CYFIP2: variants seen among roughly 807,000 people sequenced by gnomAD.
CYFIP2 encodes cytoplasmic FMR1-interacting protein 2.
A neutral mutation model predicts 158.7 loss-of-function variants in CYFIP2; 29 were observed. The ratio of observed to expected loss-of-function variants is 0.18; its 90% CI spans 0.14 to 0.25. CYFIP2 has a LOEUF of 0.25. Among genes scored for constraint, CYFIP2 ranks in the 10% least tolerant of loss-of-function variants. The pLI, the probability that CYFIP2 is intolerant of heterozygous loss-of-function variation, is 1.00. For synonymous variants in CYFIP2, 585 were observed against 617.6 expected, an observed-to-expected ratio of 0.95 and a Z score of 0.78; for missense variants, 852 against 1,639.5, an observed-to-expected ratio of 0.52 and a Z score of 8.29.
At chr5:157,316,067 G>A (rs1268374087) in intron 13 of CYFIP2, among the ~76,000 whole-genome samples, 5 of 151,762 alleles carry the variant, frequency 3.3e-5, no homozygotes, top group Admixed American at 6.6e-5. Flanking sequence ...TCCAGCCTGG[G>A]CGACAGAGTG....
At chr5:157,354,375 T>C (rs1336637019) in intron 23 of CYFIP2, among the ~76,000 whole-genome samples, 1 of 152,122 alleles carries the variant, frequency 6.6e-6, no homozygotes. Context: ...CAATGGCTCA[T>C]GTCATGTTGC....
intron 17 of CYFIP2, 88 bp downstream of exon 17, chr5:157,325,726 G>A (rs1185330452): frequency 8.7e-6 from 12 of 1,384,186 alleles, no homozygotes; most frequent in Non-Finnish European, 1.1e-5. Flanking sequence ...CCAGAAGGAA[G>A]CACTGAGTTG....
At chr5:157,371,488 A>T (rs1764992877) in intron 26 of CYFIP2, among the ~76,000 whole-genome samples, 1 of 152,210 alleles carries the variant, frequency 6.6e-6, no homozygotes, top group South Asian at 2.1e-4. Context: ...TGTGAACAGA[A>T]CCCTAAAGGT....
At chr5:157,390,368 C>T (rs7724666) in intron 29 of CYFIP2, among the ~76,000 whole-genome samples, 153 bp from the exon 30 acceptor site, 17,722 of 152,088 alleles carry the variant, frequency 0.12, 1,206 homozygotes, top group Middle Eastern at 0.17. Flanking sequence ...CCCACCCTCA[C>T]AGCTTCCTTT....
chr5:157,352,477 C>G (rs1170945737), intron 23 of CYFIP2, among the ~76,000 whole-genome samples: 1 of 152,192 alleles, frequency 6.6e-6, no homozygotes, highest in Non-Finnish European at 1.5e-5. Flanking sequence ...CTGCCACCAC[C>G]CCACCCTTCT....
intron 20 of CYFIP2, among the ~76,000 whole-genome samples, chr5:157,332,882 GC>G (rs1761580848): frequency 6.6e-6 from 1 of 152,182 alleles, no homozygotes; most frequent in Admixed American, 6.5e-5. Context: ...CTGGGTTCAA[GC>G]TATCCTCCTG....
intron 21 of CYFIP2, among the ~76,000 whole-genome samples, chr5:157,335,523 G>T (rs1281970311): frequency 6.6e-6 from 1 of 152,146 alleles, no homozygotes; most frequent in Non-Finnish European, 1.5e-5. Flanking sequence ...TGATCTGCCT[G>T]CCTTGGCCTC....
chr5:157,348,955 A>C (rs952306410), intron 23 of CYFIP2, among the ~76,000 whole-genome samples: 4 of 151,282 alleles, frequency 2.6e-5, no homozygotes, highest in African/African-American at 9.7e-5. Flanking sequence ...ATCTCAAAAA[A>C]AAAAAAAAAG....
At chr5:157,327,727 G>A (rs1170346351) in intron 18 of CYFIP2, among the ~76,000 whole-genome samples, 1 of 152,180 alleles carries the variant, frequency 6.6e-6, no homozygotes, top group East Asian at 1.9e-4. Flanking sequence ...CGAAACAGCT[G>A]AGGAGAGGGG....
At chr5:157,310,229 G>C (rs1016722813) in intron 10 of CYFIP2, among the ~76,000 whole-genome samples, 1 of 152,134 alleles carries the variant, frequency 6.6e-6, no homozygotes, top group Non-Finnish European at 1.5e-5. Flanking sequence ...TCGTGCAGTC[G>C]ACGTGAATTG....
Position 157,307,874 on chromosome 5 carries a change from C to T in CYFIP2, c.900+9C>T. On this transcript the variant is annotated intron_variant, in intron 9 of 30. Transcript: ENST00000620254. The stretch of plus-strand genomic sequence containing the variant: ...TTGATAAATTCTTTAAGGTCAGCAA[C>T]TGGGGCTGGGGCTGGGCAGAGGGCT... 1 of 1,478,354 alleles carries T rather than the reference C, an allele frequency of 6.8e-7. No individual in the cohort carries two copies. The highest frequency in any genetic ancestry group is 2.3e-5 in the East Asian group (1 of 43,172). 91.6% of individuals were successfully genotyped at this position (1,478,354 alleles called of 1,614,324 possible).
At chr5:157,369,459 A>T (rs1405556386) in intron 26 of CYFIP2, among the ~76,000 whole-genome samples, 2 of 152,224 alleles carry the variant, frequency 1.3e-5, no homozygotes, top group Non-Finnish European at 2.9e-5. Flanking sequence ...CACAAGGCTC[A>T]TTAACCATAA....
intron 24 of CYFIP2, among the ~76,000 whole-genome samples, chr5:157,359,996 G>A (rs1203608746): frequency 4.6e-5 from 7 of 152,182 alleles, no homozygotes; most frequent in African/African-American, 1.7e-4. Flanking sequence ...CAATTTCCTG[G>A]CTCCATTTCA....
At chr5:157,325,261 C>G (rs556864979) in intron 16 of CYFIP2, among the ~76,000 whole-genome samples, 6 of 152,018 alleles carry the variant, frequency 3.9e-5, no homozygotes, top group East Asian at 1.9e-4. Context: ...TCTTCTCCCC[C>G]ACCAGCCCAC....
At chr5:157,371,675 C>G (rs1765008208) in intron 26 of CYFIP2, among the ~76,000 whole-genome samples, 1 of 152,090 alleles carries the variant, frequency 6.6e-6, no homozygotes, top group South Asian at 2.1e-4. Context: ...GATGGAATCC[C>G]TCAGTTTTAA....
chr5:157,330,870 C>T lies in CYFIP2; in HGVS notation c.2265+20C>T. On this transcript the variant is annotated intron_variant, in intron 20 of 30. Coordinates refer to ENST00000620254, the MANE Select transcript of CYFIP2 (RefSeq NM_001037333.3). ...GTCCAGGTATGGGGAGCAGAAGCCA[C>T]CTTGGAGATGGAAGGGGCAGGAGAG... is the stretch of plus-strand genomic sequence containing the variant. 1 of 1,587,242 alleles carries T rather than the reference C, an allele frequency of 6.3e-7. No individual in the cohort carries two copies. Among genetic ancestry groups the T allele is most frequent in the Non-Finnish European group, 8.7e-7 (1 of 1,155,674 alleles).
chr5:157,333,285 G>A (rs962040483), intron 20 of CYFIP2, 42 bp from the exon 21 acceptor site: 1 of 1,612,534 alleles, frequency 6.2e-7, no homozygotes, highest in Non-Finnish European at 8.5e-7. Context: ...CACCTGGCCA[G>A]TGTGAATTTT....
intron 23 of CYFIP2, among the ~76,000 whole-genome samples, chr5:157,348,961 A>G (rs548555807): frequency 1.3e-5 from 2 of 151,492 alleles, no homozygotes; most frequent in Admixed American, 1.3e-4. Flanking sequence ...AAAAAAAAAA[A>G]AAAGCATCCT....
In CYFIP2 at chr5:157,294,865, G is replaced by T; in HGVS notation, c.285+5G>T. 1.2e-6 allele frequency: 2 copies of T among 1,612,304 alleles called. No homozygotes were observed. ...TGTTCCCGGGCCATTCCCCAGGTGA[G>T]ACTGTCCTTGTTGTGTGTCTCTTTC... On this transcript the variant is annotated splice_donor_5th_base_variant and intron_variant, in intron 4 of 30. Transcript: ENST00000620254.
Sources: allele counts gnomAD v4.1 joint callset (sites outside exome capture counted in the v4.1 genomes callset), GRCh38; gene constraint gnomAD v4.1.1; transcripts MANE v1.5; gene names NCBI Gene and HGNC (gene_info 2026-07-23, HGNC 2026-07-21).